Variants in GLRA2 observed in about 807,000 individuals in gnomAD.
GLRA2 encodes glycine receptor subunit alpha-2.
A neutral mutation model predicts 31.6 loss-of-function variants in GLRA2; 11 were observed. That is an observed-to-expected ratio of 0.35 (90% CI 0.22 to 0.58). GLRA2 has a LOEUF of 0.58. Among genes scored for constraint, GLRA2 ranks in the 20% least tolerant of loss-of-function variants. The pLI is 0.84. For synonymous variants in GLRA2, 132 were observed against 134.0 expected, an observed-to-expected ratio of 0.99 and a Z score of 0.10; for missense variants, 212 against 351.8, an observed-to-expected ratio of 0.60 and a Z score of 3.18.
intron 2 of GLRA2, among the ~76,000 whole-genome samples, chrX:14,549,694 G>A (rs932591834): frequency 2.7e-5 from 3 of 112,106 alleles, no homozygotes; most frequent in East Asian, 2.8e-4. Flanking sequence ...AGGGACACAC[G>A]AGGATATCTA....
At chrX:14,580,580 A>C (rs2090006028) in intron 3 of GLRA2, among the ~76,000 whole-genome samples, 1 of 112,518 alleles carries the variant, frequency 8.9e-6, no homozygotes. Flanking sequence ...CAAGTTGGCT[A>C]GTGTAGATAC....
intron 7 of GLRA2, among the ~76,000 whole-genome samples, chrX:14,661,874 GAA>G (rs1182687158): frequency 6.1e-4 from 39 of 64,460 alleles, no homozygotes; most frequent in African/African-American, 2.2e-3. Context: ...CTCTGTCTCA[GAA>G]AAAAAAAAAA....
At chrX:14,489,114 T>C in the GLRA2 span, among the ~76,000 whole-genome samples, 5 of 112,391 alleles carry the variant, frequency 4.4e-5, no homozygotes, top group African/African-American at 6.5e-5. Flanking sequence ...GCAAGTGTTA[T>C]GGTTAATATA....
chrX:14,636,811 A>G (rs1377949206), intron 7 of GLRA2, among the ~76,000 whole-genome samples: 2 of 111,992 alleles, frequency 1.8e-5, no homozygotes, highest in East Asian at 2.8e-4. Flanking sequence ...AAACTATTCT[A>G]AAGTTTTTAA....
chrX:14,558,526 C>A (rs1233650693), intron 2 of GLRA2, among the ~76,000 whole-genome samples: 1 of 111,638 alleles, frequency 9.0e-6, no homozygotes, highest in East Asian at 2.8e-4. Flanking sequence ...GCCTGATTTT[C>A]CTGTATAATT....
At chrX:14,501,336 A>G in the GLRA2 span, among the ~76,000 whole-genome samples, 1 of 112,249 alleles carries the variant, frequency 8.9e-6, no homozygotes, top group East Asian at 2.8e-4. Context: ...CTACGCATCC[A>G]TAAAATAGTC....
intron 8 of GLRA2, among the ~76,000 whole-genome samples, chrX:14,706,499 G>A (rs2091624402): frequency 8.9e-6 from 1 of 112,083 alleles, no homozygotes; most frequent in Admixed American, 9.4e-5. Context: ...CTTGTGTTTT[G>A]CACTAAATTT....
chrX:14,484,430 C>G, the GLRA2 span, among the ~76,000 whole-genome samples: 5 of 111,993 alleles, frequency 4.5e-5, no homozygotes, highest in East Asian at 1.4e-3. Flanking sequence ...AACACCAAGT[C>G]AAGAATACTT....
the GLRA2 span, among the ~76,000 whole-genome samples, chrX:14,451,644 C>CA: frequency 0.084 from 3,346 of 39,908 alleles, 139 homozygotes; most frequent in African/African-American, 0.13. Flanking sequence ...ACTCTGTCTC[C>CA]AAAAAAAAAA....
chrX:14,466,649 G>T, the GLRA2 span, among the ~76,000 whole-genome samples: 1 of 111,547 alleles, frequency 9.0e-6, no homozygotes, highest in African/African-American at 3.3e-5. Flanking sequence ...CTACTGCTAA[G>T]ATACAGCACT....
the GLRA2 span, among the ~76,000 whole-genome samples, chrX:14,507,378 G>A: frequency 5.4e-5 from 6 of 111,596 alleles, no homozygotes; most frequent in Non-Finnish European, 1.1e-4. Flanking sequence ...ACATAAGATC[G>A]TTGTGAACGT....
At chrX:14,595,757 T>G (rs763954601) in intron 4 of GLRA2, among the ~76,000 whole-genome samples, 6 of 111,623 alleles carry the variant, frequency 5.4e-5, no homozygotes, top group Admixed American at 2.8e-4. Context: ...TAATTAAAGG[T>G]CCTTTACTTG....
Position 14,529,993 on chromosome X carries a change from A to G in GLRA2, c.-65A>G, listed in dbSNP as rs761293157. 3.6e-6 allele frequency: 3 copies of G among 840,003 alleles called. No homozygotes were observed. The highest frequency in any genetic ancestry group is 2.2e-5 in the Admixed American group (1 of 45,266). 69.2% of individuals were successfully genotyped at this position (840,003 alleles called of 1,213,427 possible). A position where few individuals can be genotyped will look rare whatever the true frequency, so the allele number is the denominator to read the frequency against. On this transcript the variant is annotated 5_prime_UTR_variant, in exon 1 of 9. Coordinates refer to ENST00000218075, the MANE Select transcript of GLRA2 (RefSeq NM_002063.4). ...TTTTGAATCTGGACAATAAACAGAC[A>G]CTTTGTCCTAGCATCTTTCTGGAAT...
intron 8 of GLRA2, among the ~76,000 whole-genome samples, chrX:14,709,463 C>A (rs1479171163): frequency 8.9e-6 from 1 of 111,948 alleles, no homozygotes; most frequent in East Asian, 2.8e-4. Flanking sequence ...AATCTGGTAA[C>A]CGTAATAATG....
At chrX:14,665,447 G>A (rs2091029214) in intron 7 of GLRA2, among the ~76,000 whole-genome samples, 1 of 111,958 alleles carries the variant, frequency 8.9e-6, no homozygotes, top group African/African-American at 3.3e-5. Context: ...CAGCTCTGAA[G>A]TTCTGGCATT....
intron 1 of GLRA2, among the ~76,000 whole-genome samples, chrX:14,531,911 TATC>T (rs1569485689): frequency 9.0e-6 from 1 of 111,626 alleles, no homozygotes; most frequent in African/African-American, 3.2e-5. Flanking sequence ...TTTAAAAAAA[TATC>T]ATCTCATTTC....
At chrX:14,495,104 A>T in the GLRA2 span, among the ~76,000 whole-genome samples, 1 of 111,694 alleles carries the variant, frequency 9.0e-6, no homozygotes, top group African/African-American at 3.3e-5. Context: ...GGTAGATCAG[A>T]TTGAGCCAAG....
the GLRA2 span, among the ~76,000 whole-genome samples, chrX:14,502,954 A>G: frequency 3.6e-5 from 4 of 110,218 alleles, no homozygotes; most frequent in African/African-American, 1.3e-4. Context: ...CTGAGAGCAG[A>G]AATAAGAAGG....
intron 8 of GLRA2, among the ~76,000 whole-genome samples, chrX:14,725,221 T>C (rs2091916208): frequency 8.9e-6 from 1 of 111,922 alleles, no homozygotes; most frequent in Non-Finnish European, 1.9e-5. Context: ...TTATTATTCA[T>C]GTCTATTCCC....
Sources: allele counts gnomAD v4.1 joint callset (sites outside exome capture counted in the v4.1 genomes callset), GRCh38; gene constraint gnomAD v4.1.1; transcripts MANE v1.5; gene names NCBI Gene and HGNC (gene_info 2026-07-23, HGNC 2026-07-21).